Variants in HMCN1 observed in about 807,000 individuals in gnomAD.
HMCN1 encodes hemicentin 1.
HMCN1 carries 321 observed loss-of-function variants against 625.9 expected under a neutral mutation model. The observed-to-expected ratio is 0.51, with a 90% CI of 0.47 to 0.56. The LOEUF (loss-of-function observed/expected upper bound fraction) is 0.56, where lower values mean the gene tolerates loss of function less well. HMCN1 is among the 20% of genes least tolerant of loss of function. HMCN1 has a pLI of 0.00. For synonymous variants in HMCN1, 2,425 were observed against 2,417.6 expected (o/e 1.00, Z -0.09); for missense variants, 6,588 against 6,887.3 (o/e 0.96, Z 1.54).
At chr1:185,829,298 A>G (rs2102284984) in intron 1 of HMCN1, among the ~76,000 whole-genome samples, 1 of 151,828 alleles carries the variant, frequency 6.6e-6, no homozygotes, top group East Asian at 1.9e-4. Flanking sequence ...TTCTAAAAAA[A>G]ATAAAAGGGG....
chr1:186,093,993 T>A (rs1220676639), intron 66 of HMCN1, among the ~76,000 whole-genome samples: 1 of 152,124 alleles, frequency 6.6e-6, no homozygotes, highest in Non-Finnish European at 1.5e-5. Flanking sequence ...ACTATGATAA[T>A]GTGATTTTCA....
chr1:185,821,976 T>C (rs917667725), intron 1 of HMCN1, among the ~76,000 whole-genome samples: 3 of 151,862 alleles, frequency 2.0e-5, no homozygotes, highest in Admixed American at 1.3e-4. Context: ...GGCTATGTAC[T>C]GTATGATTCC....
In HMCN1 at chr1:186,166,244, C is replaced by T. The variant is rs375549812; in HGVS notation, c.15380C>T (p.Thr5127Ile). The T allele has an allele frequency of 1.2e-6, 2 of 1,614,104 alleles. No individual in the cohort carries two copies. The highest frequency in any genetic ancestry group is 2.2e-5 in the South Asian group (2 of 91,082). The change falls in exon 99 of 107, where the codon ACT becomes ATT. Residue 5127 changes from threonine (T) to isoleucine (I), a missense_variant. By Grantham distance (89) the Thr-to-Ile change is moderately conservative. Around this residue, in one of 3 missense-constraint regions of HMCN1, gnomAD observed 1,954 missense variants for 2,013.1 expected, o/e 0.97. Coordinates refer to ENST00000271588, the MANE Select transcript of HMCN1 (RefSeq NM_031935.3). Reference protein sequence around the residue: ...CSHSCHNAMGTYYCSCPKGLT... With the variant: ...CSHSCHNAMGIYYCSCPKGLT... ...CATAGCTGCCACAATGCCATGGGGA[C>T]TTACTACTGCTCCTGCCCTAAAGGC...
chr1:186,035,992 TCTTG>T (rs999745940), intron 36 of HMCN1, among the ~76,000 whole-genome samples: 2 of 152,184 alleles, frequency 1.3e-5, no homozygotes, highest in African/African-American at 4.8e-5. Flanking sequence ...TTTGAATTTT[TCTTG>T]CTTTTTAACA....
At chr1:186,021,571 A>G (rs559506785) in intron 35 of HMCN1, among the ~76,000 whole-genome samples, 1 of 152,246 alleles carries the variant, frequency 6.6e-6, no homozygotes, top group Non-Finnish European at 1.5e-5. Context: ...TTTAAAGACC[A>G]TGTAATATAA....
At chr1:185,887,594 G>A (rs979105110) in intron 4 of HMCN1, among the ~76,000 whole-genome samples, 11 of 150,066 alleles carry the variant, frequency 7.3e-5, no homozygotes, top group East Asian at 1.9e-4. Flanking sequence ...TACTGAGAAC[G>A]ATGATTTCCA....
intron 41 of HMCN1, among the ~76,000 whole-genome samples, chr1:186,047,513 A>G (rs1656655645): frequency 6.6e-6 from 1 of 152,152 alleles, no homozygotes; most frequent in Admixed American, 6.6e-5. Flanking sequence ...ATGTACTACC[A>G]TTCACACACA....
At chr1:185,875,558 A>G (rs1663875656) in intron 4 of HMCN1, among the ~76,000 whole-genome samples, 1 of 152,092 alleles carries the variant, frequency 6.6e-6, no homozygotes, top group Non-Finnish European at 1.5e-5. Context: ...TTCATATATT[A>G]CAATGACTGT....
Position 185,871,326 on chromosome 1 carries a change from C to T in HMCN1, c.621+5463C>T, listed in dbSNP as rs959716311. ...GGAGGGGTAAACAGAAAAGATTCAG[C>T]ACAAGCAGTATTGTGTGGTAGTTAA... On this transcript the variant is annotated intron_variant, in intron 4 of 106. Transcript: ENST00000271588. 2.0e-5 allele frequency among the ~76,000 whole-genome samples: 3 copies of T among 151,824 alleles called. No homozygotes were observed. In the South Asian group the frequency reaches 6.2e-4, roughly 32 times the overall value.
intron 97 of HMCN1, among the ~76,000 whole-genome samples, chr1:186,164,413 G>A (rs1433861195): frequency 1.3e-5 from 2 of 151,932 alleles, no homozygotes; most frequent in Middle Eastern, 3.4e-3. Flanking sequence ...CTAATTTTTT[G>A]TATTTTTAGT....
At chr1:185,899,233 A>G (rs1472004892) in intron 4 of HMCN1, among the ~76,000 whole-genome samples, 1 of 152,148 alleles carries the variant, frequency 6.6e-6, no homozygotes, top group South Asian at 2.1e-4. Context: ...TATCAGTACT[A>G]TAAACACAAG....
At chr1:185,762,477 A>T (rs897614117) in intron 1 of HMCN1, among the ~76,000 whole-genome samples, 14 of 152,182 alleles carry the variant, frequency 9.2e-5, no homozygotes, top group Non-Finnish European at 1.3e-4. Context: ...ATTTTAGCTT[A>T]ATCCTGAAAC....
chr1:185,864,230 T>C (rs7545771), intron 2 of HMCN1, among the ~76,000 whole-genome samples: 80,156 of 152,044 alleles, frequency 0.53, 22,433 homozygotes, highest in African/African-American at 0.73. Flanking sequence ...TTTAATTTTA[T>C]AAATATATAG....
Position 186,069,673 on chromosome 1 carries a change from T to C in HMCN1, c.7890T>C (p.Thr2630=). Residue 2630 remains threonine (T), a synonymous_variant, in exon 51 of 107, where the codon ACT becomes ACC. Coordinates refer to ENST00000271588, the MANE Select transcript of HMCN1 (RefSeq NM_031935.3). ...CCCATGATTTTACAGGAGGCAGAAC[T>C]CTGCAGATCCTCAATGCACAGGAGG... is the stretch of plus-strand genomic sequence containing the variant. ...RNIRILPGGR[T]LQILNAQEDN... 6.2e-7 allele frequency: 1 copy of C among 1,611,324 alleles called. No homozygotes were observed. Among genetic ancestry groups the C allele is most frequent in the African/African-American group, 1.3e-5 (1 of 75,034 alleles).
rs745849089 is a variant in HMCN1, at chr1:186,015,433, C to G, written c.4905C>G (p.Val1635=). The stretch of plus-strand genomic sequence containing the variant: ...CTGAAAAATCATTCCATGTGGATGT[C>G]TATGGTGAGGAACAACATATGCTTT... ...GTAEKSFHVD[V]YVPPMIEGNL... is the part of the protein sequence containing the mutation. Residue 1635 remains valine, a synonymous_variant, in exon 31 of 107, where the codon GTC becomes GTG. Coordinates refer to ENST00000271588, the MANE Select transcript of HMCN1 (RefSeq NM_031935.3). 1 of 1,613,226 alleles carries G rather than the reference C, an allele frequency of 6.2e-7. No individual in the cohort carries two copies.
chr1:185,786,109 A>G (rs73060496), intron 1 of HMCN1, among the ~76,000 whole-genome samples: 4,677 of 152,328 alleles, frequency 0.031, 257 homozygotes, highest in African/African-American at 0.11. Context: ...TCTGTAAGAC[A>G]TTGTGAGATA....
chr1:186,102,336 T>C (rs1253990699), intron 68 of HMCN1, among the ~76,000 whole-genome samples: 1 of 152,154 alleles, frequency 6.6e-6, no homozygotes, highest in Non-Finnish European at 1.5e-5. Context: ...GTATATTATC[T>C]TTCTCCAGAA....
chr1:185,749,034 G>C (rs868619025), intron 1 of HMCN1, among the ~76,000 whole-genome samples: 2 of 152,100 alleles, frequency 1.3e-5, no homozygotes, highest in South Asian at 2.1e-4. Context: ...TAGGAAGAGG[G>C]CTTTATTTGT....
chr1:185,876,231 A>G (rs1375145543), intron 4 of HMCN1, among the ~76,000 whole-genome samples: 2 of 152,154 alleles, frequency 1.3e-5, no homozygotes, highest in African/African-American at 4.8e-5. Flanking sequence ...ACGTTGCTGC[A>G]GATGACATGA....
Sources: allele counts gnomAD v4.1 joint callset (sites outside exome capture counted in the v4.1 genomes callset), GRCh38; gene constraint gnomAD v4.1.1; regional missense constraint gnomAD v4.1.1; transcripts MANE v1.5; gene names NCBI Gene and HGNC (gene_info 2026-07-23, HGNC 2026-07-21).